GRAP2: variants seen among roughly 807,000 people sequenced by gnomAD.
GRAP2 encodes GRB2 related adaptor protein 2, also known as GRB2-related adapter protein 2.
A neutral mutation model predicts 43.5 loss-of-function variants in GRAP2; 31 were observed. The observed-to-expected ratio is 0.71, with a 90% CI of 0.54 to 0.96. GRAP2 has a LOEUF of 0.96. Ranked by LOEUF, GRAP2 falls within the 40% of genes least tolerant of loss-of-function variation. GRAP2 has a pLI of 0.00. For missense variants in GRAP2, 371 were observed against 424.4 expected (o/e 0.87, Z 1.11); for synonymous variants, 156 against 164.8 (o/e 0.95, Z 0.41).
intron 1 of GRAP2, among the ~76,000 whole-genome samples, chr22:39,934,759 T>C (rs2066789694): frequency 6.6e-6 from 1 of 152,064 alleles, no homozygotes; most frequent in Non-Finnish European, 1.5e-5. Context: ...TAGCCCCAGC[T>C]ACTCGGGAAG....
intron 1 of GRAP2, among the ~76,000 whole-genome samples, chr22:39,917,881 T>C (rs1014594243): frequency 5.3e-5 from 8 of 152,336 alleles, no homozygotes; most frequent in South Asian, 2.1e-4. Context: ...GAGATTGTGG[T>C]TCTTCTGTTT....
chr22:39,912,662 A>ATATGATT (rs1428820044), intron 1 of GRAP2, among the ~76,000 whole-genome samples: 2 of 152,220 alleles, frequency 1.3e-5, no homozygotes, highest in Non-Finnish European at 2.9e-5. Flanking sequence ...AAACACCAGT[A>ATATGATT]TATGATTTAT....
At chr22:39,911,064 G>A (rs986012686) in intron 1 of GRAP2, among the ~76,000 whole-genome samples, 4 of 152,170 alleles carry the variant, frequency 2.6e-5, no homozygotes, top group Admixed American at 2.0e-4. Flanking sequence ...CCTCCTTGCG[G>A]TGAGGATATG....
At chr22:39,966,281 A>C in intron 5 of GRAP2, 123 bp downstream of exon 5, 5 of 728,774 alleles carry the variant, frequency 6.9e-6, no homozygotes, top group South Asian at 1.8e-5. Flanking sequence ...GACAGAGCTC[A>C]GAGCTCTGAG....
intron 1 of GRAP2, among the ~76,000 whole-genome samples, chr22:39,934,661 A>G (rs1242821028): frequency 2.0e-5 from 3 of 152,186 alleles, no homozygotes; most frequent in African/African-American, 7.2e-5. Flanking sequence ...CAGCTTGACC[A>G]TCTTCATGTT....
At chr22:39,965,897 C>T in intron 4 of GRAP2, 93 bp from the exon 5 acceptor site, 3 of 1,063,066 alleles carry the variant, frequency 2.8e-6, no homozygotes, top group South Asian at 1.3e-5. Context: ...ATCTCCTGCT[C>T]AAAGAGAACT....
chr22:39,940,502 T>A (rs1364197147), intron 1 of GRAP2, among the ~76,000 whole-genome samples: 1 of 152,098 alleles, frequency 6.6e-6, no homozygotes, highest in African/African-American at 2.4e-5. Flanking sequence ...CGTTCTATGC[T>A]TACAAATTTT....
upstream of GRAP2, among the ~76,000 whole-genome samples, chr22:39,900,572 GTC>G: frequency 6.6e-6 from 1 of 152,328 alleles, no homozygotes; most frequent in African/African-American, 2.4e-5. Context: ...AAAGCCTTCA[GTC>G]TAAGACTCAA....
intron 4 of GRAP2, chr22:39,960,414 T>C (rs746185002): frequency 4.3e-6 from 2 of 462,572 alleles, no homozygotes; most frequent in Non-Finnish European, 7.9e-6. Context: ...CTGCCTCCCC[T>C]TCTAGCCCAG....
At chr22:39,963,611 A>G (rs537844417) in intron 4 of GRAP2, among the ~76,000 whole-genome samples, 1 of 152,308 alleles carries the variant, frequency 6.6e-6, no homozygotes, top group East Asian at 1.9e-4. Flanking sequence ...GCAAGAGGCC[A>G]CTTGTACAAC....
Position 39,901,200 on chromosome 22 carries a change from G to A in GRAP2, c.-145G>A. On this transcript the variant is annotated 5_prime_UTR_variant, in exon 1 of 8. Transcript: ENST00000344138. ...CTTTCAGAGTGGTACATGGAAGACA[G>A]CACAAAGTGGATCCATACTCTGAAA... The A allele has an allele frequency of 1.2e-6, 1 of 826,956 alleles. No homozygotes were observed. Among genetic ancestry groups the A allele is most frequent in the Non-Finnish European group, 1.8e-6 (1 of 566,596 alleles). 51.2% of individuals were successfully genotyped at this position (826,956 alleles called of 1,614,324 possible). A position where few individuals can be genotyped will look rare whatever the true frequency, so the allele number is the denominator to read the frequency against.
intron 1 of GRAP2, chr22:39,926,530 A>C: frequency 2.4e-6 from 2 of 843,346 alleles, no homozygotes; most frequent in Non-Finnish European, 2.9e-6. Flanking sequence ...AAAGAACAAA[A>C]GAACCTTGAG....
chr22:39,918,145 C>T (rs982489948), intron 1 of GRAP2, among the ~76,000 whole-genome samples: 2 of 152,140 alleles, frequency 1.3e-5, no homozygotes, highest in African/African-American at 2.4e-5. Context: ...CTATAACTCA[C>T]GGGTTTTTCA....
rs148097685 is a variant in GRAP2 at position 39,972,657 on chromosome 22, G to T, written c.*1573G>T. 2 of 152,390 alleles carry T rather than the reference G, an allele frequency of 1.3e-5. No homozygotes were observed. The highest frequency in any genetic ancestry group is 2.9e-5 in the Non-Finnish European group (2 of 68,040). The allele number at this position is 152,390 out of a possible 1,614,324, so 9.4% of individuals were successfully genotyped here. ...TTTTCTGACTCAGAAGTGACTGCCA[G>T]TGTAGCACAAGCAGTGTCCCTTGTG... On this transcript the variant is annotated 3_prime_UTR_variant, in exon 8 of 8. Transcript: ENST00000344138.
chr22:39,956,479 T>G (rs939026722), intron 3 of GRAP2, among the ~76,000 whole-genome samples: 6 of 149,940 alleles, frequency 4.0e-5, no homozygotes, highest in Admixed American at 3.3e-4. Flanking sequence ...TGGGTTTTTT[T>G]GGGTTTTTTT....
At chr22:39,942,897 G>A (rs1230094423) in intron 1 of GRAP2, among the ~76,000 whole-genome samples, 1 of 152,126 alleles carries the variant, frequency 6.6e-6, no homozygotes, top group African/African-American at 2.4e-5. Context: ...AAAATTTCAA[G>A]ACATTATCTT....
chr22:39,968,485 TCA>T lies in GRAP2; in HGVS notation c.690+229_690+230del, dbSNP rs35783963. 3.5e-3 allele frequency: 1,787 copies of T among 507,218 alleles called. 5 individuals carry two copies. The highest frequency in any genetic ancestry group is 7.0e-3 in the East Asian group (213 of 30,552). The allele number at this position is 507,218 out of a possible 1,614,324, so 31.4% of individuals were successfully genotyped here. A position where few individuals can be genotyped will look rare whatever the true frequency, so the allele number is the denominator to read the frequency against. On this transcript the variant is annotated intron_variant, in intron 6 of 7. Transcript: ENST00000344138. The stretch of plus-strand genomic sequence containing the variant: ...CACACACACACACACACACACTGTC[TCA>T]CACACACACACACACTTAAACTCAC...
At chr22:39,944,027 T>G (rs2066896530) in intron 1 of GRAP2, among the ~76,000 whole-genome samples, 1 of 152,104 alleles carries the variant, frequency 6.6e-6, no homozygotes, top group Non-Finnish European at 1.5e-5. Flanking sequence ...TTTTCAGAAG[T>G]CAGAAGCGCT....
Position 39,971,098 on chromosome 22 carries a change from C to A in GRAP2, c.*14C>A. 6.3e-7 allele frequency: 1 copy of A among 1,595,504 alleles called. No homozygotes were observed. The highest frequency in any genetic ancestry group is 8.5e-7 in the Non-Finnish European group (1 of 1,171,554). On this transcript the variant is annotated 3_prime_UTR_variant, in exon 8 of 8. Coordinates refer to ENST00000344138, the MANE Select transcript of GRAP2 (RefSeq NM_004810.4). ...ATGACCCGATAAACTCTTCAGGGGA[C>A]AGAAGCTTTTTGTCTGGAGCTGCCC...
Sources: allele counts gnomAD v4.1 joint callset (sites outside exome capture counted in the v4.1 genomes callset), GRCh38; gene constraint gnomAD v4.1.1; transcripts MANE v1.5; gene names NCBI Gene and HGNC (gene_info 2026-07-23, HGNC 2026-07-21).